SLC5A12: variants seen among roughly 807,000 people sequenced by gnomAD.
SLC5A12 encodes solute carrier family 5 member 12, also known as sodium-coupled monocarboxylate transporter 2.
In SLC5A12, 46 loss-of-function variants were observed where a neutral mutation model predicts 72.7. The observed-to-expected ratio is 0.63, with a 90% CI of 0.50 to 0.81. The LOEUF is 0.81. Ranked by LOEUF, SLC5A12 falls within the 30% of genes least tolerant of loss-of-function variation. The probability of loss-of-function intolerance (pLI) is 0.00; values close to 1 mark genes in which losing one functional copy is unlikely to be tolerated. For synonymous variants in SLC5A12, 275 were observed against 264.4 expected (o/e 1.04, Z -0.39); for missense variants, 683 against 740.7 (o/e 0.92, Z 0.90).
At position 26,671,235 on chromosome 11, in the gene SLC5A12, C is replaced by T. The variant is rs1854135441; in HGVS notation, c.1724G>A (p.Gly575Asp). The T allele has an allele frequency of 6.3e-6, 10 of 1,599,936 alleles. No individual in the cohort carries two copies. Among genetic ancestry groups the T allele is most frequent in the African/African-American group, 1.3e-5 (1 of 74,114 alleles). The change falls in exon 15 of 15, where the codon GGC (glycine) becomes GAC (aspartate). Residue 575 changes from glycine to aspartate, a missense_variant. Transcript: ENST00000396005. ...TTCAGCCCCCTGTTTCCGGGCACTG[C>T]CATTCTCAAGGTTTTCCTGAGGGAA... The part of the protein sequence containing the change: ...SGTEQENLEN[G>D]SARKQGAESV...
intron 9 of SLC5A12, among the ~76,000 whole-genome samples, chr11:26,689,827 A>G (rs1307730234): frequency 2.0e-5 from 3 of 152,218 alleles, no homozygotes; most frequent in African/African-American, 7.2e-5. Context: ...GGATGAATAC[A>G]TGAAAAAGCA....
Position 26,670,744 on chromosome 11 carries a change from T to G in SLC5A12, c.*358A>C. On this transcript the variant is annotated 3_prime_UTR_variant, in exon 15 of 15. Transcript: ENST00000396005. ...TTCTGCCTCTAAACTCCAAGATATT[T>G]TGATGGTTAAAAAACTACTAAAACG... is the stretch of plus-strand genomic sequence containing the variant. The G allele has an allele frequency of 6.1e-6, 1 of 163,786 alleles. No individual in the cohort carries two copies. Among genetic ancestry groups the G allele is most frequent in the Non-Finnish European group, 1.3e-5 (1 of 76,130 alleles). The allele number at this position is 163,786 out of a possible 1,614,324, so 10.1% of individuals were successfully genotyped here. A position where few individuals can be genotyped will look rare whatever the true frequency, so the allele number is the denominator to read the frequency against.
At chr11:26,689,222 C>T (rs1336803605) in intron 9 of SLC5A12, among the ~76,000 whole-genome samples, 1 of 151,962 alleles carries the variant, frequency 6.6e-6, no homozygotes, top group Non-Finnish European at 1.5e-5. Flanking sequence ...ATGGTGAAAC[C>T]CCGTTTCTAC....
chr11:26,688,091 A>G (rs1176867075), intron 9 of SLC5A12, among the ~76,000 whole-genome samples: 2 of 152,190 alleles, frequency 1.3e-5, no homozygotes, highest in Non-Finnish European at 2.9e-5. Context: ...TGCCGACTAG[A>G]GAATTGATTC....
chr11:26,720,136 T>G (rs1855444209), intron 1 of SLC5A12, among the ~76,000 whole-genome samples: 1 of 152,090 alleles, frequency 6.6e-6, no homozygotes, highest in African/African-American at 2.4e-5. Flanking sequence ...TTCTCTGCTA[T>G]GAAGTAAGCT....
intron 1 of SLC5A12, among the ~76,000 whole-genome samples, chr11:26,713,733 C>A (rs567406819): frequency 1.2e-3 from 182 of 152,192 alleles, no homozygotes; most frequent in African/African-American, 3.5e-3. Flanking sequence ...TAATTGCCAC[C>A]AATTTGTTGT....
chr11:26,682,530 G>A (rs1482740293), intron 11 of SLC5A12, among the ~76,000 whole-genome samples: 1 of 152,116 alleles, frequency 6.6e-6, no homozygotes, highest in Non-Finnish European at 1.5e-5. Flanking sequence ...GATGAGGGGA[G>A]AGGTGACACA....
intron 1 of SLC5A12, among the ~76,000 whole-genome samples, chr11:26,719,654 G>T (rs1855432379): frequency 6.6e-6 from 1 of 152,098 alleles, no homozygotes; most frequent in Non-Finnish European, 1.5e-5. Flanking sequence ...GACTACTTCA[G>T]CCTGAGATGC....
At chr11:26,680,866 A>G (rs1854395913) in intron 12 of SLC5A12, among the ~76,000 whole-genome samples, 189 bp downstream of exon 12, 1 of 152,136 alleles carries the variant, frequency 6.6e-6, no homozygotes. Context: ...GTATGTCTGA[A>G]TACAGAGGAA....
chr11:26,703,946 C>T lies in SLC5A12; in HGVS notation c.527G>A (p.Gly176Glu). 3 of 1,613,480 alleles carry T rather than the reference C, an allele frequency of 1.9e-6. No individual in the cohort carries two copies. The highest frequency in any genetic ancestry group is 2.5e-6 in the Non-Finnish European group (3 of 1,179,650). ...TGTCCACACCACTGCTTTTAATCCTCCCTGAAATAGAGAGAATGTTTGAGT... is the reference window on the plus strand; with the variant it reads ...TGTCCACACCACTGCTTTTAATCCTTCCTGAAATAGAGAGAATGTTTGAGT... ...GIVCTFYCTL[G>E]GLKAVVWTDA... is the part of the protein sequence containing the mutation. The change falls in exon 5 of 15, where the codon GGA becomes GAA. Residue 176 changes from glycine (G) to glutamate (E), a missense_variant and splice_region_variant. Transcript: ENST00000396005.
intron 9 of SLC5A12, among the ~76,000 whole-genome samples, chr11:26,690,459 A>C (rs1048331204): frequency 2.6e-5 from 4 of 151,746 alleles, no homozygotes; most frequent in Non-Finnish European, 5.9e-5. Context: ...TAATGGAAAT[A>C]TTTTTAAAAC....
At chr11:26,714,894 T>C (rs906814404) in intron 1 of SLC5A12, among the ~76,000 whole-genome samples, 13 of 152,256 alleles carry the variant, frequency 8.5e-5, no homozygotes, top group Non-Finnish European at 1.9e-4. Context: ...TCTCTTCAGA[T>C]GATATATTCT....
chr11:26,681,738 A>G (rs1430731741), intron 11 of SLC5A12, among the ~76,000 whole-genome samples: 4 of 152,130 alleles, frequency 2.6e-5, no homozygotes, highest in Non-Finnish European at 5.9e-5. Flanking sequence ...TTTAAGGTTT[A>G]TATTTCTTGA....
intron 14 of SLC5A12, among the ~76,000 whole-genome samples, chr11:26,672,956 T>G (rs1363585468): frequency 6.6e-6 from 1 of 152,054 alleles, no homozygotes; most frequent in African/African-American, 2.4e-5. Context: ...ACTCATCCAG[T>G]TTTTAGATCA....
At chr11:26,711,703 T>C (rs1257452628) in intron 2 of SLC5A12, among the ~76,000 whole-genome samples, 3 of 152,076 alleles carry the variant, frequency 2.0e-5, no homozygotes, top group African/African-American at 2.4e-5. Flanking sequence ...CACAGTGAAC[T>C]CTCTACCGAC....
chr11:26,712,634 C>A lies in SLC5A12; in HGVS notation c.405+7G>T, dbSNP rs764231684. On this transcript the variant is annotated splice_region_variant and intron_variant, in intron 2 of 14. Coordinates refer to ENST00000396005, the MANE Select transcript of SLC5A12 (RefSeq NM_178498.4). ...TTTCCACATCTGCAGCAGCCATGAC[C>A]ACTTACCGTCTGTACAATGTAGATG... 22 of 1,524,244 alleles carry A rather than the reference C, an allele frequency of 1.4e-5. 1 individual carries two copies. In the South Asian group the frequency reaches 2.3e-4, roughly 16 times the overall value. The allele number at this position is 1,524,244 out of a possible 1,614,324, so 94.4% of individuals were successfully genotyped here. A position where few individuals can be genotyped will look rare whatever the true frequency, so the allele number is the denominator to read the frequency against.
At chr11:26,697,439 G>C (rs4462291) in intron 7 of SLC5A12, among the ~76,000 whole-genome samples, 187 bp from the exon 8 acceptor site, 140,344 of 152,224 alleles carry the variant, frequency 0.92, 64,846 homozygotes, top group Middle Eastern at 0.98. Flanking sequence ...ATTTTCTTTC[G>C]TGTTTATCCT....
rs748867992 is a variant in SLC5A12 at position 26,681,064 on chromosome 11, A to T, written c.1466T>A (p.Leu489Gln). The change falls in exon 12 of 15, where the codon CTA (leucine) becomes CAA (glutamine). Residue 489 changes from leucine to glutamine, a missense_variant. Leu to Gln is a moderately radical substitution (Grantham distance 113). Transcript: ENST00000396005. ...SNVTATGPPVLSSRPGIADTW... is the reference protein window; with the variant it reads ...SNVTATGPPVQSSRPGIADTW... ...TATAAAGTCAGCATACCTGCTGGAT[A>T]GTACTGGAGGCCCTGTTGCTGTCAC... 1.3e-6 allele frequency: 2 copies of T among 1,599,074 alleles called. No individual in the cohort carries two copies. The highest frequency in any genetic ancestry group is 1.7e-6 in the Non-Finnish European group (2 of 1,172,834).
At chr11:26,713,243 A>G (rs373601551) in intron 1 of SLC5A12, among the ~76,000 whole-genome samples, 1 of 152,120 alleles carries the variant, frequency 6.6e-6, no homozygotes, top group East Asian at 1.9e-4. Flanking sequence ...GCAGATCCCA[A>G]GCTTGATATT....
Sources: allele counts gnomAD v4.1 joint callset (sites outside exome capture counted in the v4.1 genomes callset), GRCh38; gene constraint gnomAD v4.1.1; transcripts MANE v1.5; gene names NCBI Gene and HGNC (gene_info 2026-07-23, HGNC 2026-07-21).